Variants in GPR19 observed in about 807,000 individuals in gnomAD.
The protein encoded by GPR19 is probable G protein-coupled receptor 19.
In GPR19, 14 loss-of-function variants were observed where a neutral mutation model predicts 28.5. That is an observed-to-expected ratio of 0.49 (90% CI 0.32 to 0.77). The LOEUF (loss-of-function observed/expected upper bound fraction) is 0.77. Ranked by LOEUF, GPR19 falls within the 30% of genes least tolerant of loss-of-function variation. The probability of loss-of-function intolerance (pLI) is 0.03; values close to 1 mark genes in which losing one functional copy is unlikely to be tolerated. For missense variants in GPR19, 409 were observed against 504.1 expected (o/e 0.81, Z 1.81); for synonymous variants, 173 against 184.1 (o/e 0.94, Z 0.49).
rs1395300880 is a variant in GPR19, at chr12:12,661,943, T to A, written c.506A>T (p.Tyr169Phe). 1 of 1,614,258 alleles carries A rather than the reference T, an allele frequency of 6.2e-7. No homozygotes were observed. Among genetic ancestry groups the A allele is most frequent in the Admixed American group, 1.7e-5 (1 of 60,032 alleles). ...TCTGGACACCTTGAAGCTCAGAGGA[T>A]AGACGATGGTGTAGAACCGGTCTAT... is the stretch of plus-strand genomic sequence containing the variant. ...ICIDRFYTIV[Y>F]PLSFKVSREK... Residue 169 changes from tyrosine to phenylalanine, a missense_variant, in exon 4 of 4, where the codon TAT (tyrosine) becomes TTT (phenylalanine). By Grantham distance (22) the Tyr-to-Phe change is conservative (BLOSUM62 3). Transcript: ENST00000651487. This position sits in a 1 kb window ranked among gnomAD's most constrained non-coding sequence, Gnocchi z 4.2.
At chr12:12,689,345 G>A (rs974352973) in intron 2 of GPR19, among the ~76,000 whole-genome samples, 4 of 152,192 alleles carry the variant, frequency 2.6e-5, no homozygotes, top group Non-Finnish European at 5.9e-5. Flanking sequence ...AAACTTGAAA[G>A]TACCTCAGTG....
At chr12:12,685,071 T>A (rs1384498975) in intron 2 of GPR19, 3 of 152,338 alleles carry the variant, frequency 2.0e-5, no homozygotes, top group African/African-American at 2.4e-5. Flanking sequence ...AAATATTTTT[T>A]AAAATTTCCC....
At chr12:12,674,105 G>C (rs1210747475) in intron 3 of GPR19, among the ~76,000 whole-genome samples, 1 of 150,268 alleles carries the variant, frequency 6.7e-6, no homozygotes, top group Non-Finnish European at 1.5e-5. Context: ...CCAGCTACTC[G>C]AAAGGCTGAG....
At chr12:12,697,124 A>G (rs979687292), upstream of GPR19, among the ~76,000 whole-genome samples, 3 of 142,446 alleles carry the variant, frequency 2.1e-5, no homozygotes, top group Non-Finnish European at 4.6e-5. Context: ...CAAAACCTAC[A>G]TGATTTAAGA....
chr12:12,699,362 A>G (rs975853380), upstream of GPR19, among the ~76,000 whole-genome samples: 10 of 152,180 alleles, frequency 6.6e-5, no homozygotes, highest in Admixed American at 1.3e-4. Flanking sequence ...AATTGAAAAC[A>G]TACATATTAG....
chr12:12,701,539 G>A, the GPR19 span, among the ~76,000 whole-genome samples: 1 of 152,136 alleles, frequency 6.6e-6, no homozygotes, highest in Non-Finnish European at 1.5e-5. Context: ...ATTTTGGACA[G>A]TGTCCTTTCT....
intron 3 of GPR19, among the ~76,000 whole-genome samples, chr12:12,663,938 C>A (rs1945718940): frequency 6.6e-6 from 1 of 152,152 alleles, no homozygotes; most frequent in South Asian, 2.1e-4. Context: ...AAACATTTCT[C>A]AAGTGACAGT....
chr12:12,661,335 C>T lies in GPR19; in HGVS notation c.1114G>A (p.Val372Ile), dbSNP rs755037120. 4.3e-6 allele frequency: 7 copies of T among 1,613,962 alleles called. No individual in the cohort carries two copies. The highest frequency in any genetic ancestry group is 1.7e-5 in the Admixed American group (1 of 60,018). ...ATGGAAGGGATTTCTGAAATGCCAA[C>T]GTAGTTTTTTTTGGCCATCCTTGAA... ...TSSRMAKKNYVGISEIPSMAK... is the reference protein window; with the variant it reads ...TSSRMAKKNYIGISEIPSMAK... Residue 372 changes from valine to isoleucine, a missense_variant, in exon 4 of 4, where the codon GTT becomes ATT. Transcript: ENST00000651487. This position sits in a 1 kb window ranked among gnomAD's most constrained non-coding sequence, Gnocchi z 4.2.
intron 2 of GPR19, among the ~76,000 whole-genome samples, chr12:12,695,090 A>T (rs1946243444): frequency 6.6e-6 from 1 of 152,236 alleles, no homozygotes; most frequent in Non-Finnish European, 1.5e-5. Flanking sequence ...TTTTTCTTAC[A>T]GATGAAGTGA....
At position 12,661,298 on chromosome 12, in the gene GPR19, A is replaced by G. The variant is rs767278822; in HGVS notation, c.1151T>C (p.Ile384Thr). ...TGAGTCATAGATCGAGTCTTTGGTA[A>G]TAGTTTTGGCCATGGAAGGGATTTC... The part of the protein sequence containing the change: ...ISEIPSMAKT[I>T]TKDSIYDSFD... The change falls in exon 4 of 4, where the codon ATT becomes ACT. Residue 384 changes from isoleucine to threonine, a missense_variant. By Grantham distance (89) the Ile-to-Thr change is moderately conservative. Transcript: ENST00000651487. This position sits in a 1 kb window ranked among gnomAD's most constrained non-coding sequence, Gnocchi z 4.2. 1.1e-5 allele frequency: 17 copies of G among 1,613,856 alleles called. No homozygotes were observed. Among genetic ancestry groups the G allele is most frequent in the Non-Finnish European group, 1.4e-5 (17 of 1,179,838 alleles).
At chr12:12,696,641 A>G (rs1483141927), upstream of GPR19, among the ~76,000 whole-genome samples, 1 of 152,184 alleles carries the variant, frequency 6.6e-6, no homozygotes, top group Non-Finnish European at 1.5e-5. Context: ...CACTCTACGA[A>G]AAAGCCCATT....
chr12:12,692,687 T>C (rs924350373), intron 2 of GPR19, among the ~76,000 whole-genome samples: 2 of 151,332 alleles, frequency 1.3e-5, no homozygotes, highest in Admixed American at 6.6e-5. Context: ...AAGACCTAAT[T>C]ATAGTTGTTT....
chr12:12,703,528 C>G, the GPR19 span: 1 of 488,860 alleles, frequency 2.0e-6, no homozygotes, highest in South Asian at 8.8e-5. Context: ...GCCCCTCGCT[C>G]TAGCACATAG....
upstream of GPR19, among the ~76,000 whole-genome samples, chr12:12,697,175 A>AAAAAAAAAAC: frequency 6.7e-6 from 1 of 149,928 alleles, no homozygotes; most frequent in Non-Finnish European, 1.5e-5. Flanking sequence ...AAAAAAAAAA[A>AAAAAAAAAAC]AAGCAGCCAT....
intron 3 of GPR19, among the ~76,000 whole-genome samples, chr12:12,679,248 G>A (rs1282954778): frequency 3.9e-5 from 6 of 152,000 alleles, no homozygotes; most frequent in African/African-American, 1.2e-4. Flanking sequence ...GTCTGAGAGA[G>A]GGAAGTGTTA....
Position 12,662,196 on chromosome 12 carries a change from G to A in GPR19, c.253C>T (p.Leu85=). 6.2e-7 allele frequency: 1 copy of A among 1,614,202 alleles called. No individual in the cohort carries two copies. The highest frequency in any genetic ancestry group is 8.5e-7 in the Non-Finnish European group (1 of 1,180,034). ...LWLFSIFGNS[L]VCLVIHRSRR... Reference sequence around the variant, plus strand: ...CTCCTATGGATGACCAAACAAACCAGGGAATTGCCGAAGATAGAAAACAAC... The same window carrying A: ...CTCCTATGGATGACCAAACAAACCAAGGAATTGCCGAAGATAGAAAACAAC... The change falls in exon 4 of 4, where the codon CTG becomes TTG. Residue 85 remains leucine, a synonymous_variant. Transcript: ENST00000651487.
the GPR19 span, among the ~76,000 whole-genome samples, chr12:12,712,775 C>G: frequency 6.6e-6 from 1 of 152,038 alleles, no homozygotes; most frequent in Non-Finnish European, 1.5e-5. Context: ...TCAAGTGATC[C>G]TCCCACCTCT....
intron 3 of GPR19, among the ~76,000 whole-genome samples, chr12:12,666,968 G>A (rs548120174): frequency 6.6e-6 from 1 of 152,266 alleles, no homozygotes; most frequent in South Asian, 2.1e-4. Flanking sequence ...CCTCAGACAG[G>A]TTCTTGCACT....
chr12:12,704,802 G>A, the GPR19 span, among the ~76,000 whole-genome samples: 2 of 152,248 alleles, frequency 1.3e-5, no homozygotes, highest in Admixed American at 1.3e-4. Flanking sequence ...TGAATGTTCC[G>A]AATTGGGGGA....
Sources: gnomAD v4.1 joint callset for allele counts (sites outside exome capture counted in the v4.1 genomes callset) on GRCh38, gnomAD v4.1.1 for gene constraint, Gnocchi (gnomAD v3.1) non-coding constraint, MANE v1.5 for transcripts, NCBI Gene and HGNC (gene_info 2026-07-23, HGNC 2026-07-21) for gene names.